GLRA1: variants seen among roughly 807,000 people sequenced by gnomAD.
The protein encoded by GLRA1 is glycine receptor alpha 1.
A neutral mutation model predicts 48.3 loss-of-function variants in GLRA1; 37 were observed. That is an observed-to-expected ratio of 0.77 (90% confidence interval 0.59 to 1.01). The LOEUF is 1.01. Ranked by LOEUF, GLRA1 falls within the 50% of genes least tolerant of loss-of-function variation. GLRA1 has a pLI of 0.00. For missense variants in GLRA1, 427 were observed against 571.0 expected, an observed-to-expected ratio of 0.75 and a Z score of 2.57; for synonymous variants, 196 against 210.7, an observed-to-expected ratio of 0.93 and a Z score of 0.60.
Position 151,851,396 on chromosome 5 carries a change from C to A in GLRA1, c.906G>T (p.Leu302=). Residue 302 remains leucine, a synonymous_variant, in exon 7 of 9, where the codon CTG becomes CTT. Transcript: ENST00000274576. ...CTTGGGCAATGGGACTTACCTTGGGCAGAGATGCTCGAGAGCCGGAGCTCT... is the reference window on the plus strand; with the variant it reads ...CTTGGGCAATGGGACTTACCTTGGGAAGAGATGCTCGAGAGCCGGAGCTCT... ...TTQSSGSRAS[L]PKVSYVKAID... 1 of 1,611,336 alleles carries A rather than the reference C, an allele frequency of 6.2e-7. No individual in the cohort carries two copies. Among genetic ancestry groups the A allele is most frequent in the Non-Finnish European group, 8.5e-7 (1 of 1,178,276 alleles).
At chr5:151,832,746 C>T (rs974620532) in intron 7 of GLRA1, among the ~76,000 whole-genome samples, 7 of 152,194 alleles carry the variant, frequency 4.6e-5, no homozygotes, top group African/African-American at 1.4e-4. Flanking sequence ...TCCAGGAGAA[C>T]TTCCCCAACC....
intron 7 of GLRA1, among the ~76,000 whole-genome samples, chr5:151,841,007 A>G (rs1353521138): frequency 6.6e-6 from 1 of 152,166 alleles, no homozygotes. Context: ...GAAAAACTTA[A>G]TTGACACTGT....
chr5:151,909,235 A>C (rs763507189), intron 1 of GLRA1, among the ~76,000 whole-genome samples: 4 of 152,218 alleles, frequency 2.6e-5, no homozygotes, highest in Non-Finnish European at 5.9e-5. Flanking sequence ...AAAACTATGA[A>C]TATAGCTCAA....
At chr5:151,885,733 A>G (rs1753884952) in intron 3 of GLRA1, among the ~76,000 whole-genome samples, 1 of 152,208 alleles carries the variant, frequency 6.6e-6, no homozygotes, top group African/African-American at 2.4e-5. Flanking sequence ...GGTGAATCAC[A>G]GGGAGCCTCC....
chr5:151,884,862 A>T (rs1051785841), intron 3 of GLRA1, among the ~76,000 whole-genome samples: 10 of 152,244 alleles, frequency 6.6e-5, no homozygotes, highest in Admixed American at 6.5e-4. Context: ...AAATGTCAAT[A>T]TGCTTCTGAT....
chr5:151,838,959 A>C (rs568235705), intron 7 of GLRA1, among the ~76,000 whole-genome samples: 11 of 152,216 alleles, frequency 7.2e-5, no homozygotes, highest in Admixed American at 6.5e-4. Context: ...TGCAACCTCC[A>C]CCTCCCAGGT....
intron 3 of GLRA1, among the ~76,000 whole-genome samples, chr5:151,878,620 C>T (rs182186214): frequency 1.4e-3 from 207 of 152,244 alleles, no homozygotes; most frequent in African/African-American, 4.5e-3. Context: ...GTGCTGTGTG[C>T]GGTCTAGAGA....
intron 5 of GLRA1, 77 bp from the exon 6 acceptor site, chr5:151,855,254 A>G (rs760694576): frequency 3.0e-6 from 4 of 1,342,508 alleles, no homozygotes; most frequent in Non-Finnish European, 4.3e-6. Context: ...GGTTAGGGTT[A>G]GAGACTGAGA....
chr5:151,864,148 T>C (rs1467476373), intron 3 of GLRA1, among the ~76,000 whole-genome samples: 1 of 151,762 alleles, frequency 6.6e-6, no homozygotes, highest in African/African-American at 2.4e-5. Context: ...CATGTGTGTG[T>C]GTGTGTGTGT....
intron 3 of GLRA1, among the ~76,000 whole-genome samples, chr5:151,863,196 A>G (rs1032781934): frequency 1.3e-5 from 2 of 152,172 alleles, no homozygotes; most frequent in African/African-American, 2.4e-5. Context: ...TGAGCCCAGG[A>G]GTTTGAGACT....
At chr5:151,900,000 C>T (rs1754324247) in intron 1 of GLRA1, among the ~76,000 whole-genome samples, 1 of 152,162 alleles carries the variant, frequency 6.6e-6, no homozygotes, top group African/African-American at 2.4e-5. Context: ...CTTAAAATCT[C>T]ATCTGGTTCT....
chr5:151,888,369 T>C (rs555653200), intron 2 of GLRA1, among the ~76,000 whole-genome samples: 4 of 152,364 alleles, frequency 2.6e-5, no homozygotes, highest in Admixed American at 2.6e-4. Flanking sequence ...CAGCACTCAC[T>C]GGTTGTTTAC....
At chr5:151,877,454 A>T (rs1753653853) in intron 3 of GLRA1, among the ~76,000 whole-genome samples, 1 of 152,234 alleles carries the variant, frequency 6.6e-6, no homozygotes, top group Non-Finnish European at 1.5e-5. Flanking sequence ...AGTGGAAAGA[A>T]CAAATGAATG....
intron 7 of GLRA1, among the ~76,000 whole-genome samples, chr5:151,843,248 G>T (rs7721901): frequency 0.018 from 2,706 of 148,110 alleles, 38 homozygotes; most frequent in South Asian, 0.073. Context: ...TTGACAAGCT[G>T]CTTCTAAATT....
chr5:151,921,406 G>C (rs533845319), intron 1 of GLRA1, among the ~76,000 whole-genome samples: 1 of 152,320 alleles, frequency 6.6e-6, no homozygotes, highest in South Asian at 2.1e-4. Flanking sequence ...TATTTGGCAA[G>C]GTCTGGAGAC....
intron 6 of GLRA1, among the ~76,000 whole-genome samples, chr5:151,852,134 G>A (rs1229545858): frequency 6.6e-6 from 1 of 151,996 alleles, no homozygotes; most frequent in African/African-American, 2.4e-5. Context: ...TTATAATCAA[G>A]CTCTAACCAG....
At chr5:151,911,827 C>T (rs1240982333) in intron 1 of GLRA1, among the ~76,000 whole-genome samples, 1 of 151,942 alleles carries the variant, frequency 6.6e-6, no homozygotes, top group African/African-American at 2.4e-5. Flanking sequence ...CCAGGATGGT[C>T]TCGATCTCCT....
chr5:151,903,221 G>A (rs1478168678), intron 1 of GLRA1, among the ~76,000 whole-genome samples: 2 of 152,262 alleles, frequency 1.3e-5, no homozygotes, highest in East Asian at 3.9e-4. Flanking sequence ...AAAGGAGGAT[G>A]TTCAGAAAAT....
intron 8 of GLRA1, among the ~76,000 whole-genome samples, chr5:151,828,110 A>C (rs1433962294): frequency 6.6e-6 from 1 of 152,178 alleles, no homozygotes; most frequent in African/African-American, 2.4e-5. Flanking sequence ...AAATCAGGAT[A>C]CATTTTTAGA....
Sources: allele counts gnomAD v4.1 joint callset (sites outside exome capture counted in the v4.1 genomes callset), GRCh38; gene constraint gnomAD v4.1.1; transcripts MANE v1.5; gene names NCBI Gene and HGNC (gene_info 2026-07-23, HGNC 2026-07-21).